PLCL1: variants seen among roughly 807,000 people sequenced by gnomAD.
The protein encoded by PLCL1 is phospholipase C like 1 (inactive).
PLCL1 carries 41 observed loss-of-function variants against 84.4 expected under a neutral mutation model. The observed-to-expected ratio is 0.49, with a 90% CI of 0.38 to 0.63. The LOEUF is 0.63. PLCL1 is among the 30% of genes least tolerant of loss of function. The pLI is 0.00. For missense variants in PLCL1, 1,206 were observed against 1,367.8 expected (o/e 0.88, Z 1.87); for synonymous variants, 490 against 488.3 (o/e 1.00, Z -0.05).
At chr2:197,971,236 G>A (rs1574975667) in intron 1 of PLCL1, among the ~76,000 whole-genome samples, 1 of 152,230 alleles carries the variant, frequency 6.6e-6, no homozygotes, top group African/African-American at 2.4e-5. Context: ...CAGAAAAAGA[G>A]AAATGGAGCT....
At chr2:197,999,052 T>C (rs1164103602) in intron 1 of PLCL1, among the ~76,000 whole-genome samples, 1 of 152,158 alleles carries the variant, frequency 6.6e-6, no homozygotes, top group Non-Finnish European at 1.5e-5. Flanking sequence ...GTAGGACAGC[T>C]CAAGACCATA....
chr2:198,032,878 C>T (rs1024405391), intron 1 of PLCL1, among the ~76,000 whole-genome samples: 2 of 152,058 alleles, frequency 1.3e-5, no homozygotes, highest in Admixed American at 1.3e-4. Context: ...CCCTCTGACC[C>T]AATTAATGCA....
intron 1 of PLCL1, among the ~76,000 whole-genome samples, chr2:198,059,570 G>A (rs1692144345): frequency 1.3e-5 from 2 of 152,174 alleles, no homozygotes; most frequent in Non-Finnish European, 2.9e-5. Context: ...ACCGCGAGGA[G>A]CCTGGTGTAG....
chr2:197,904,467 TAA>T (rs1688336871), intron 1 of PLCL1, among the ~76,000 whole-genome samples: 2 of 152,242 alleles, frequency 1.3e-5, no homozygotes, highest in African/African-American at 4.8e-5. Flanking sequence ...AAATTTGGCT[TAA>T]TGGATAGTCA....
At chr2:197,823,313 G>T (rs1363137562) in intron 1 of PLCL1, among the ~76,000 whole-genome samples, 1 of 152,068 alleles carries the variant, frequency 6.6e-6, no homozygotes, top group African/African-American at 2.4e-5. Context: ...CCATTAAAAG[G>T]CCCTAGAATT....
At chr2:198,014,717 G>A (rs2105833411) in intron 1 of PLCL1, among the ~76,000 whole-genome samples, 2 of 152,180 alleles carry the variant, frequency 1.3e-5, no homozygotes, top group East Asian at 3.9e-4. Flanking sequence ...CATTTTAAAT[G>A]ATTGATTCAT....
chr2:197,975,033 C>G (rs533014467), intron 1 of PLCL1, among the ~76,000 whole-genome samples: 1 of 149,222 alleles, frequency 6.7e-6, no homozygotes, highest in Non-Finnish European at 1.5e-5. Flanking sequence ...CCCAGCTACT[C>G]GGGAGGCTGA....
intron 1 of PLCL1, among the ~76,000 whole-genome samples, chr2:197,814,109 A>G (rs1690643057): frequency 6.6e-6 from 1 of 152,186 alleles, no homozygotes; most frequent in African/African-American, 2.4e-5. Flanking sequence ...TGGGGCTCCT[A>G]GTAGTACAAG....
At position 198,084,434 on chromosome 2, in the gene PLCL1, C is replaced by G. The variant is rs150212353; in HGVS notation, c.917C>G (p.Ala306Gly). The G allele has an allele frequency of 6.2e-7, 1 of 1,613,986 alleles. No individual in the cohort carries two copies. Among genetic ancestry groups the G allele is most frequent in the African/African-American group, 1.3e-5 (1 of 74,918 alleles). Residue 306 changes from alanine (A) to glycine (G), a missense_variant, in exon 2 of 6, where the codon GCT becomes GGT. Coordinates refer to ENST00000428675, the MANE Select transcript of PLCL1 (RefSeq NM_006226.4). ...TRVTEEEFCE[A>G]FCELCTRPEV... ...GTGACCGAAGAGGAATTTTGTGAAG[C>G]TTTTTGTGAACTTTGCACCAGGCCA... is the stretch of plus-strand genomic sequence containing the variant.
chr2:197,946,474 T>G (rs1689272337), intron 1 of PLCL1, among the ~76,000 whole-genome samples: 1 of 151,950 alleles, frequency 6.6e-6, no homozygotes, highest in African/African-American at 2.4e-5. Flanking sequence ...CAAGCAAAGA[T>G]AAGCAAAAGT....
intron 1 of PLCL1, among the ~76,000 whole-genome samples, chr2:197,911,683 A>G (rs1052160908): frequency 2.0e-5 from 3 of 152,116 alleles, no homozygotes; most frequent in Non-Finnish European, 4.4e-5. Flanking sequence ...CCAATTTGTG[A>G]GGAATGCCTA....
intron 5 of PLCL1, among the ~76,000 whole-genome samples, chr2:198,141,943 T>C (rs1285705365): frequency 6.6e-6 from 1 of 152,176 alleles, no homozygotes; most frequent in African/African-American, 2.4e-5. Context: ...CTTTAAATAT[T>C]TGTGGTGTGC....
At chr2:197,819,988 CTGAAAAAACGAACAA>C (rs1310250062) in intron 1 of PLCL1, among the ~76,000 whole-genome samples, 9 of 151,488 alleles carry the variant, frequency 5.9e-5, no homozygotes, top group Non-Finnish European at 1.2e-4. Flanking sequence ...AACCTGCAAC[CTGAAAAAACGAACAA>C]TGATTTCAGA....
At chr2:198,115,262 G>A (rs1244903018) in intron 5 of PLCL1, among the ~76,000 whole-genome samples, 1 of 151,842 alleles carries the variant, frequency 6.6e-6, no homozygotes, top group Non-Finnish European at 1.5e-5. Flanking sequence ...CCAAGTCCAG[G>A]TAGTAGGTAT....
chr2:198,035,156 G>A (rs905249625), intron 1 of PLCL1, among the ~76,000 whole-genome samples: 9 of 152,012 alleles, frequency 5.9e-5, no homozygotes, highest in Non-Finnish European at 2.9e-5. Flanking sequence ...TGTTAATGAC[G>A]GTCAGTTTTC....
chr2:197,890,800 ATT>A (rs1688009945), intron 1 of PLCL1, among the ~76,000 whole-genome samples: 1 of 143,998 alleles, frequency 6.9e-6, no homozygotes, highest in Non-Finnish European at 1.5e-5. Flanking sequence ...GTATATATAT[ATT>A]TGCTATATAT....
intron 1 of PLCL1, among the ~76,000 whole-genome samples, chr2:197,976,739 G>A (rs974598030): frequency 1.2e-4 from 18 of 152,302 alleles, no homozygotes; most frequent in African/African-American, 4.3e-4. Flanking sequence ...GAGCCACTGT[G>A]CCCGGCCAAA....
chr2:197,982,437 G>A (rs1274712859), intron 1 of PLCL1, among the ~76,000 whole-genome samples: 1 of 152,008 alleles, frequency 6.6e-6, no homozygotes, highest in Non-Finnish European at 1.5e-5. Context: ...CTATCTTTAA[G>A]CCTCCTCATG....
intron 1 of PLCL1, among the ~76,000 whole-genome samples, chr2:197,993,523 G>C (rs140188520): frequency 3.7e-4 from 56 of 152,202 alleles, no homozygotes; most frequent in South Asian, 8.3e-4. Context: ...AGTGTGGGCA[G>C]TGTTGAGATA....
Sources: gnomAD v4.1 joint callset for allele counts (sites outside exome capture counted in the v4.1 genomes callset) on GRCh38, gnomAD v4.1.1 for gene constraint, MANE v1.5 for transcripts, NCBI Gene and HGNC (gene_info 2026-07-23, HGNC 2026-07-21) for gene names.